Variants in SNX13 observed in about 807,000 individuals in gnomAD.
The protein encoded by SNX13 is sorting nexin-13.
Under a neutral mutation model 133.6 loss-of-function variants are expected in SNX13, and 45 were observed. The ratio of observed to expected loss-of-function variants is 0.34; its 90% CI spans 0.27 to 0.43. The LOEUF is 0.43. Ranked by LOEUF, SNX13 falls within the 20% of genes least tolerant of loss-of-function variation. The pLI is 1.00. For missense variants in SNX13, 1,032 were observed against 1,145.1 expected (o/e 0.90, Z 1.43); for synonymous variants, 414 against 373.9 (o/e 1.11, Z -1.24).
intron 1 of SNX13, 147 bp downstream of exon 1, chr7:17,940,137 C>A: frequency 9.6e-7 from 1 of 1,036,396 alleles, no homozygotes; most frequent in Admixed American, 2.1e-5. Flanking sequence ...ACTCTGAGGG[C>A]ACTTGTAGGA....
At chr7:17,937,076 C>CA (rs555434265) in intron 1 of SNX13, among the ~76,000 whole-genome samples, 5,264 of 94,382 alleles carry the variant, frequency 0.056, 141 homozygotes, top group African/African-American at 0.1. Flanking sequence ...ATGTAAAATG[C>CA]AAAAAAAAAA....
At chr7:17,863,358 A>G (rs1792974465) in intron 9 of SNX13, among the ~76,000 whole-genome samples, 1 of 152,120 alleles carries the variant, frequency 6.6e-6, no homozygotes, top group South Asian at 2.1e-4. Flanking sequence ...GGTGGCCAGC[A>G]GAGTGTCTGT....
Position 17,790,945 on chromosome 7 carries a change from C to T in SNX13, c.*3100G>A, listed in dbSNP as rs1783480690. On this transcript the variant is annotated 3_prime_UTR_variant, in exon 26 of 26. Coordinates refer to ENST00000428135, the MANE Select transcript of SNX13 (RefSeq NM_015132.5). The stretch of plus-strand genomic sequence containing the variant: ...CACTTACTGTACAATGATATGCACA[C>T]ATTATCTTTTAACAATTATAATCCT... 6.6e-6 allele frequency: 1 copy of T among 151,982 alleles called. No homozygotes were observed. The highest frequency in any genetic ancestry group is 1.5e-5 in the Non-Finnish European group (1 of 67,898). The allele number at this position is 151,982 out of a possible 1,614,324, so 9.4% of individuals were successfully genotyped here.
At chr7:17,895,179 TAGG>T (rs967745316) in intron 2 of SNX13, among the ~76,000 whole-genome samples, 1 of 152,148 alleles carries the variant, frequency 6.6e-6, no homozygotes, top group South Asian at 2.1e-4. Context: ...TGTGTAACGA[TAGG>T]AAGACAAGAT....
At chr7:17,800,304 C>T (rs1261995461) in intron 22 of SNX13, among the ~76,000 whole-genome samples, 2 of 151,160 alleles carry the variant, frequency 1.3e-5, no homozygotes, top group East Asian at 1.9e-4. Context: ...TAAACAAATT[C>T]GATTAGAAAC....
At position 17,794,148 on chromosome 7, in the gene SNX13, T is replaced by G; in HGVS notation, c.2771A>C (p.Lys924Thr). 6.2e-7 allele frequency: 1 copy of G among 1,611,686 alleles called. No individual in the cohort carries two copies. The highest frequency in any genetic ancestry group is 8.5e-7 in the Non-Finnish European group (1 of 1,178,470). Residue 924 changes from lysine (K) to threonine (T), a missense_variant, in exon 26 of 26, where the codon AAA (lysine) becomes ACA (threonine). Physicochemically the swap from Lys to Thr is moderately conservative, Grantham distance 78. Transcript: ENST00000428135. Reference sequence around the variant, plus strand: ...CAGTTTGTTGAAAAGTTCACGGAATTTATACTGTGGAAATAAGGTTTCTAA... The same window carrying G: ...CAGTTTGTTGAAAAGTTCACGGAATGTATACTGTGGAAATAAGGTTTCTAA... ...GFLETLFPQY[K>T]FRELFNKLHS... is the part of the protein sequence containing the mutation.
chr7:17,849,769 T>G (rs533955458), intron 11 of SNX13, among the ~76,000 whole-genome samples: 46 of 152,296 alleles, frequency 3.0e-4, no homozygotes, highest in Non-Finnish European at 6.0e-4. Context: ...GATAGATACT[T>G]CAAAGGCAAA....
chr7:17,819,645 C>T (rs1787058281), intron 18 of SNX13, among the ~76,000 whole-genome samples: 1 of 152,066 alleles, frequency 6.6e-6, no homozygotes, highest in Non-Finnish European at 1.5e-5. Flanking sequence ...ATACTGTGAC[C>T]AACTGCTGAA....
intron 1 of SNX13, among the ~76,000 whole-genome samples, chr7:17,913,760 C>CAAAA (rs71010278): frequency 2.2e-3 from 118 of 54,010 alleles, no homozygotes; most frequent in African/African-American, 6.8e-3. Context: ...TTAACAAAAA[C>CAAAA]AAAAAAAAAA....
rs750305511 is a variant in SNX13 at position 17,839,984 on chromosome 7, A to G, written c.1182T>C (p.Thr394=). 6.2e-7 allele frequency: 1 copy of G among 1,609,032 alleles called. No individual in the cohort carries two copies. The highest frequency in any genetic ancestry group is 1.1e-5 in the South Asian group (1 of 90,548). Residue 394 remains threonine (T), a synonymous_variant, in exon 13 of 26, where the codon ACT becomes ACC. Transcript: ENST00000428135. The part of the protein sequence containing the change: ...LQFFMDYMQQ[T]GGQAHLFFWM... ...AAAAGAATAGATGTGCTTGACCTCC[A>G]GTTTGCTGCATGTAATCTAGCAATC...
chr7:17,806,134 T>C (rs913124785), intron 20 of SNX13, among the ~76,000 whole-genome samples: 2 of 152,300 alleles, frequency 1.3e-5, no homozygotes, highest in Non-Finnish European at 1.5e-5. Flanking sequence ...CCCAGCTGAG[T>C]TATTTGTATT....
intron 1 of SNX13, among the ~76,000 whole-genome samples, chr7:17,937,436 C>T (rs374012252): frequency 5.9e-4 from 87 of 148,242 alleles, no homozygotes; most frequent in South Asian, 4.2e-4. Context: ...ATAGTTTGAA[C>T]CTGGAAGGCG....
rs201724604 is a variant in SNX13 at position 17,863,675 on chromosome 7, C to CAGA, written c.837+4731_837+4732insTCT. Among the ~76,000 whole-genome samples the CAGA allele has an allele frequency of 3.6e-3, 549 of 152,272 alleles. 2 individuals carry two copies. Among genetic ancestry groups the CAGA allele is most frequent in the East Asian group, 9.9e-3 (51 of 5,166 alleles). On this transcript the variant is annotated intron_variant, in intron 9 of 25. Transcript: ENST00000428135. ...GGCCATGAATAAATAGCAGCAGCAG[C>CAGA]CAGGCAGCAGTGGCCACAGGCGTTA...
At position 17,801,594 on chromosome 7, in the gene SNX13, G is replaced by T; in HGVS notation, c.2292C>A (p.Asp764Glu). The T allele has an allele frequency of 6.2e-7, 1 of 1,606,374 alleles. No individual in the cohort carries two copies. The highest frequency in any genetic ancestry group is 8.5e-7 in the Non-Finnish European group (1 of 1,176,252). ...PEHRRVSAQL[D>E]DNVDDNIPLR... ...AAGAATAAAATTAACTCACATTATC[G>T]TCAAGTTGAGCCGAAACTCGGCGAT... Residue 764 changes from aspartate to glutamate, a missense_variant, in exon 22 of 26, where the codon GAC (aspartate) becomes GAA (glutamate). Asp to Glu is a conservative substitution (Grantham distance 45, BLOSUM62 2). Transcript: ENST00000428135.
intron 9 of SNX13, among the ~76,000 whole-genome samples, chr7:17,852,667 T>G (rs1030791750): frequency 6.6e-6 from 1 of 152,250 alleles, no homozygotes; most frequent in African/African-American, 2.4e-5. Context: ...CAATGACTTC[T>G]TTCATCTTCT....
intron 1 of SNX13, among the ~76,000 whole-genome samples, chr7:17,911,797 A>T (rs976734356): frequency 6.6e-6 from 1 of 152,220 alleles, no homozygotes; most frequent in African/African-American, 2.4e-5. Context: ...ATACCCAAGG[A>T]TAGAAATCAG....
At chr7:17,910,666 T>C (rs942236420) in intron 1 of SNX13, among the ~76,000 whole-genome samples, 1 of 152,172 alleles carries the variant, frequency 6.6e-6, no homozygotes, top group Non-Finnish European at 1.5e-5. Flanking sequence ...ATGCCCCAAA[T>C]GTTTATCAGT....
chr7:17,814,052 A>C (rs1435465319), intron 20 of SNX13, among the ~76,000 whole-genome samples: 1 of 152,308 alleles, frequency 6.6e-6, no homozygotes, highest in Admixed American at 6.5e-5. Context: ...AAATACAAAG[A>C]GTGGTATAAA....
At chr7:17,924,772 G>A (rs1038128185) in intron 1 of SNX13, among the ~76,000 whole-genome samples, 4 of 152,110 alleles carry the variant, frequency 2.6e-5, no homozygotes, top group African/African-American at 9.7e-5. Context: ...TCCATACAAT[G>A]GAATGTTACT....
Sources: gnomAD v4.1 joint callset for allele counts (sites outside exome capture counted in the v4.1 genomes callset) on GRCh38, gnomAD v4.1.1 for gene constraint, MANE v1.5 for transcripts, NCBI Gene and HGNC (gene_info 2026-07-23, HGNC 2026-07-21) for gene names.